Variants in RIMS2 observed in about 807,000 individuals in gnomAD.
The protein encoded by RIMS2 is regulating synaptic membrane exocytosis protein 2.
In RIMS2, 59 loss-of-function variants were observed where a neutral mutation model predicts 174.4. The observed-to-expected ratio is 0.34, with a 90% confidence interval of 0.27 to 0.42. The LOEUF (loss-of-function observed/expected upper bound fraction) is 0.42, where lower values mean the gene tolerates loss of function less well. Ranked by LOEUF, RIMS2 falls within the 10% of genes least tolerant of loss-of-function variation. The pLI is 1.00. For synonymous variants in RIMS2, 606 were observed against 572.5 expected, an observed-to-expected ratio of 1.06 and a Z score of -0.84; for missense variants, 1,620 against 1,666.3, an observed-to-expected ratio of 0.97 and a Z score of 0.48.
chr8:103,580,657 C>A lies in RIMS2; in HGVS notation c.176+79595C>A, dbSNP rs550779706. Reference sequence around the variant, plus strand: ...GATTTAACCATGAAGAAATAGAAAACCTCAAACCAGTAATGAGTAATGAGA... The same window carrying A: ...GATTTAACCATGAAGAAATAGAAAAACTCAAACCAGTAATGAGTAATGAGA... On this transcript the variant is annotated intron_variant, in intron 1 of 23. Transcript: ENST00000504942. Among the ~76,000 whole-genome samples the A allele has an allele frequency of 3.3e-5, 5 of 152,062 alleles. No homozygotes were observed. In the South Asian group the frequency reaches 1.0e-3, roughly 32 times the overall value.
chr8:103,631,663 G>A (rs1377529836), intron 1 of RIMS2, among the ~76,000 whole-genome samples: 2 of 152,158 alleles, frequency 1.3e-5, no homozygotes, highest in African/African-American at 4.8e-5. Context: ...CTAGTTCTGT[G>A]AAGAATGTCA....
At chr8:103,541,996 T>A (rs527566941) in intron 1 of RIMS2, among the ~76,000 whole-genome samples, 2 of 151,534 alleles carry the variant, frequency 1.3e-5, no homozygotes, top group South Asian at 4.2e-4. Flanking sequence ...AATAATCTAA[T>A]CACAAAGTAA....
At chr8:103,743,258 T>C (rs1037362863) in intron 2 of RIMS2, among the ~76,000 whole-genome samples, 14 of 152,174 alleles carry the variant, frequency 9.2e-5, no homozygotes, top group Non-Finnish European at 1.6e-4. Flanking sequence ...GAATCAGCCA[T>C]ATATTTCTTT....
chr8:103,671,157 G>A (rs1590047511), intron 1 of RIMS2, among the ~76,000 whole-genome samples: 1 of 151,992 alleles, frequency 6.6e-6, no homozygotes, highest in South Asian at 2.1e-4. Flanking sequence ...ATCAGATCTT[G>A]TGAGACTTAT....
chr8:104,238,638 G>A (rs181744283), intron 19 of RIMS2, among the ~76,000 whole-genome samples: 1 of 152,170 alleles, frequency 6.6e-6, no homozygotes, highest in East Asian at 1.9e-4. Flanking sequence ...AGACGAAAAA[G>A]TCTTCTACCA....
intron 19 of RIMS2, among the ~76,000 whole-genome samples, chr8:104,151,689 A>G (rs527820659): frequency 1.3e-5 from 2 of 152,330 alleles, no homozygotes; most frequent in South Asian, 4.1e-4. Context: ...GGAAATGTCT[A>G]GAACATTTAA....
intron 1 of RIMS2, among the ~76,000 whole-genome samples, chr8:103,693,616 C>T (rs1453330106): frequency 2.6e-5 from 4 of 152,274 alleles, no homozygotes; most frequent in East Asian, 3.9e-4. Context: ...AAAATGTCTT[C>T]ACCAGTCAGC....
chr8:103,655,107 T>C (rs1411938377), intron 1 of RIMS2, among the ~76,000 whole-genome samples: 1 of 151,968 alleles, frequency 6.6e-6, no homozygotes, highest in Non-Finnish European at 1.5e-5. Context: ...AAATTATAGA[T>C]ATAAGTAGAC....
chr8:103,781,738 CTTTTTTTTTT>C (rs11308922), intron 3 of RIMS2, among the ~76,000 whole-genome samples: 164 of 88,458 alleles, frequency 1.9e-3, no homozygotes, highest in East Asian at 0.01. Flanking sequence ...CTCCCCTAAT[CTTTTTTTTTT>C]TTTTTTTTTT....
At chr8:104,120,765 A>C (rs912439542) in intron 19 of RIMS2, among the ~76,000 whole-genome samples, 15 of 152,164 alleles carry the variant, frequency 9.9e-5, no homozygotes, top group Non-Finnish European at 1.8e-4. Context: ...AGGAAAAAAA[A>C]TTAGGAGTAT....
intron 1 of RIMS2, among the ~76,000 whole-genome samples, chr8:103,640,503 T>C (rs1011376571): frequency 6.6e-6 from 1 of 152,096 alleles, no homozygotes; most frequent in African/African-American, 2.4e-5. Context: ...ATTAAAATGC[T>C]AGAAATTTTC....
chr8:103,924,245 C>T (rs1032563280), intron 10 of RIMS2, among the ~76,000 whole-genome samples: 1 of 151,622 alleles, frequency 6.6e-6, no homozygotes, highest in African/African-American at 2.4e-5. Context: ...TAATTAAACT[C>T]CAATCATCTA....
intron 2 of RIMS2, among the ~76,000 whole-genome samples, chr8:103,723,843 G>C (rs1582771): frequency 6.6e-6 from 1 of 151,944 alleles, no homozygotes; most frequent in African/African-American, 2.4e-5. Flanking sequence ...CAGGAACCTT[G>C]GTGTGTAGGG....
At chr8:103,987,943 C>T (rs2094465852) in intron 16 of RIMS2, among the ~76,000 whole-genome samples, 2 of 152,058 alleles carry the variant, frequency 1.3e-5, no homozygotes, top group Non-Finnish European at 2.9e-5. Context: ...GAGAGATATG[C>T]CCTATGCATG....
intron 9 of RIMS2, among the ~76,000 whole-genome samples, chr8:103,919,932 A>AGTACTTGTAACTGT (rs1282771162): frequency 6.6e-6 from 1 of 152,132 alleles, no homozygotes; most frequent in African/African-American, 2.4e-5. Context: ...CATTTTATTT[A>AGTACTTGTAACTGT]GTACTTGTAA....
chr8:104,056,145 C>G (rs772191401), intron 19 of RIMS2, among the ~76,000 whole-genome samples: 3 of 152,154 alleles, frequency 2.0e-5, no homozygotes, highest in Non-Finnish European at 4.4e-5. Context: ...TGGCTCATTC[C>G]TATAATCCCA....
At chr8:103,781,686 G>T (rs1407740220) in intron 3 of RIMS2, among the ~76,000 whole-genome samples, 1 of 146,302 alleles carries the variant, frequency 6.8e-6, no homozygotes, top group Non-Finnish European at 1.5e-5. Flanking sequence ...TCTTGAAGAA[G>T]AATTTTCTTA....
At chr8:103,639,466 T>C (rs2096175360) in intron 1 of RIMS2, among the ~76,000 whole-genome samples, 1 of 151,842 alleles carries the variant, frequency 6.6e-6, no homozygotes, top group African/African-American at 2.4e-5. Context: ...CCCTCTTTCA[T>C]TGACCAGTTA....
chr8:103,929,342 T>G (rs2079424856), intron 11 of RIMS2, among the ~76,000 whole-genome samples: 1 of 151,780 alleles, frequency 6.6e-6, no homozygotes. Flanking sequence ...GTTTTAATGA[T>G]TTTAAAGGAG....
Sources: gnomAD v4.1 joint callset for allele counts (sites outside exome capture counted in the v4.1 genomes callset) on GRCh38, gnomAD v4.1.1 for gene constraint, MANE v1.5 for transcripts, NCBI Gene and HGNC (gene_info 2026-07-23, HGNC 2026-07-21) for gene names.